LCOR: variants seen among roughly 807,000 people sequenced by gnomAD.
LCOR encodes ligand-dependent corepressor.
Under a neutral mutation model 64.4 loss-of-function variants are expected in LCOR, and 14 were observed. The observed-to-expected ratio is 0.22, with a 90% CI of 0.14 to 0.34. LCOR has a LOEUF of 0.34. Among genes scored for constraint, LCOR ranks in the 10% least tolerant of loss-of-function variants. LCOR has a pLI of 1.00. For missense variants in LCOR, 1,686 were observed against 1,765.3 expected, an observed-to-expected ratio of 0.96 and a Z score of 0.80; for synonymous variants, 643 against 642.5, an observed-to-expected ratio of 1.00 and a Z score of -0.01.
At chr10:96,867,669 G>A (rs1242810315) in intron 2 of LCOR, among the ~76,000 whole-genome samples, 1 of 151,980 alleles carries the variant, frequency 6.6e-6, no homozygotes, top group Non-Finnish European at 1.5e-5. Flanking sequence ...CGGGAAGGCG[G>A]GAGGATGACT....
At chr10:96,934,030 AGTT>A (rs1564630298) in intron 4 of LCOR, among the ~76,000 whole-genome samples, 1 of 152,204 alleles carries the variant, frequency 6.6e-6, no homozygotes, top group African/African-American at 2.4e-5. Context: ...TCAGGAAAAA[AGTT>A]GTGATGTTCA....
intron 4 of LCOR, among the ~76,000 whole-genome samples, chr10:96,920,434 G>GTATATATGTATATATATTTA (rs71007309): frequency 2.4e-5 from 3 of 123,994 alleles, no homozygotes; most frequent in Non-Finnish European, 3.2e-5. Flanking sequence ...ATATATATGT[G>GTATATATGTATATATATTTA]TATATATGTG....
intron 1 of LCOR, among the ~76,000 whole-genome samples, 170 bp downstream of exon 1, chr10:96,832,569 C>T (rs1845356942): frequency 6.8e-6 from 1 of 146,008 alleles, no homozygotes; most frequent in South Asian, 2.2e-4. Context: ...GCGCGACCTC[C>T]AGGCGGGCTC....
intron 4 of LCOR, among the ~76,000 whole-genome samples, chr10:96,942,458 G>GGAGGGA (rs71007310): frequency 0.67 from 100,964 of 150,574 alleles, 34,515 homozygotes; most frequent in African/African-American, 0.81. Context: ...GAGAGGGAGA[G>GGAGGGA]GAGGGAGAGG....
chr10:96,915,243 G>A (rs1304877592), intron 4 of LCOR, among the ~76,000 whole-genome samples: 2 of 152,138 alleles, frequency 1.3e-5, no homozygotes, highest in Non-Finnish European at 2.9e-5. Context: ...TAAATAAGCC[G>A]GGCACGGAGG....
chr10:96,907,214 ATAC>A, intron 2 of LCOR, 48 bp from the exon 3 acceptor site: 1 of 584,936 alleles, frequency 1.7e-6, no homozygotes. Context: ...AGATTATTCA[ATAC>A]TAGAATGAAT....
Position 96,985,106 on chromosome 10 carries a change from G to A in LCOR, c.4646G>A (p.Ser1549Asn). Reference protein sequence around the residue: ...KLKAKLDCSHSKRRRLDAK With the variant: ...KLKAKLDCSHNKRRRLDAK ...AAGGCAAAGCTGGACTGTTCGCACA[G>A]CAAACGGAGGCGGCTGGATGCAAAG... The change falls in exon 8 of 8, where the codon AGC (serine) becomes AAC (asparagine). Residue 1549 changes from serine to asparagine, a missense_variant. Coordinates refer to ENST00000421806, the MANE Select transcript of LCOR (RefSeq NM_001346516.2). 6 of 1,601,508 alleles carry A rather than the reference G, an allele frequency of 3.7e-6. No homozygotes were observed. The highest frequency in any genetic ancestry group is 5.1e-6 in the Non-Finnish European group (6 of 1,176,048).
At chr10:96,972,819 ATTAG>A (rs926116791) in intron 7 of LCOR, among the ~76,000 whole-genome samples, 5 of 152,296 alleles carry the variant, frequency 3.3e-5, no homozygotes, top group African/African-American at 9.6e-5. Flanking sequence ...AGTTTCGATT[ATTAG>A]TTCATTATTT....
At chr10:96,978,424 C>A (rs954765169) in intron 7 of LCOR, among the ~76,000 whole-genome samples, 1 of 152,318 alleles carries the variant, frequency 6.6e-6, no homozygotes, top group South Asian at 2.1e-4. Flanking sequence ...TTTCTAGCTG[C>A]TTTCGTCTTT....
intron 4 of LCOR, among the ~76,000 whole-genome samples, chr10:96,943,850 C>G (rs1024656455): frequency 4.0e-5 from 6 of 151,376 alleles, no homozygotes; most frequent in Non-Finnish European, 7.4e-5. Flanking sequence ...GGAAATTATC[C>G]CTCTGGCAGT....
intron 2 of LCOR, among the ~76,000 whole-genome samples, chr10:96,873,611 TG>T (rs1228933207): frequency 2.1e-5 from 3 of 141,234 alleles, no homozygotes; most frequent in Non-Finnish European, 3.1e-5. Context: ...TGTGTGTGTG[TG>T]TGTGTTTTGA....
At chr10:96,842,065 TAAA>T (rs1383227686) in intron 2 of LCOR, among the ~76,000 whole-genome samples, 1 of 151,978 alleles carries the variant, frequency 6.6e-6, no homozygotes, top group Non-Finnish European at 1.5e-5. Context: ...TTGCAGAAGG[TAAA>T]AGCATGCTTT....
chr10:96,915,054 G>A (rs897216204), intron 4 of LCOR, among the ~76,000 whole-genome samples: 1 of 152,158 alleles, frequency 6.6e-6, no homozygotes, highest in African/African-American at 2.4e-5. Context: ...GTGTATCAAA[G>A]TCAGGGAATC....
At chr10:96,956,881 A>T in intron 7 of LCOR, 1 of 985,180 alleles carries the variant, frequency 1.0e-6, no homozygotes. Flanking sequence ...CTAGACTAAG[A>T]TATTCAAGAT....
intron 2 of LCOR, among the ~76,000 whole-genome samples, chr10:96,902,238 AT>A (rs1262382496): frequency 6.6e-6 from 1 of 151,978 alleles, no homozygotes; most frequent in Non-Finnish European, 1.5e-5. Context: ...ATTTTGGGCC[AT>A]TAGTCGTGAT....
At chr10:96,980,197 C>G (rs915401605) in intron 7 of LCOR, among the ~76,000 whole-genome samples, 2 of 151,978 alleles carry the variant, frequency 1.3e-5, no homozygotes, top group African/African-American at 4.8e-5. Flanking sequence ...TTAAGTACTT[C>G]TAAACCCAAG....
intron 7 of LCOR, chr10:96,955,324 T>G: frequency 6.2e-7 from 1 of 1,614,072 alleles, no homozygotes; most frequent in Non-Finnish European, 8.5e-7. Context: ...AAAATGGCAC[T>G]TCAAGCAAAA....
chr10:96,896,260 T>G (rs1846535041), intron 2 of LCOR, among the ~76,000 whole-genome samples: 1 of 152,144 alleles, frequency 6.6e-6, no homozygotes, highest in South Asian at 2.1e-4. Context: ...ATACCTTATG[T>G]CATTGACTTT....
intron 4 of LCOR, among the ~76,000 whole-genome samples, chr10:96,924,433 G>T (rs1467265208): frequency 6.6e-6 from 1 of 151,568 alleles, no homozygotes; most frequent in East Asian, 1.9e-4. Flanking sequence ...GTAGAGATGG[G>T]GTTTTGCCAT....
Sources: gnomAD v4.1 joint callset for allele counts (sites outside exome capture counted in the v4.1 genomes callset) on GRCh38, gnomAD v4.1.1 for gene constraint, MANE v1.5 for transcripts, NCBI Gene and HGNC (gene_info 2026-07-23, HGNC 2026-07-21) for gene names.